The following ULK4 variants were observed in gnomAD, a reference collection of about 807,000 sequenced individuals.
The protein encoded by ULK4 is unc-51 like kinase 4, also known as inactive serine/threonine-protein kinase ULK4.
In ULK4, 133 loss-of-function variants were observed where a neutral mutation model predicts 160.6. The observed-to-expected ratio is 0.83, with a 90% CI of 0.72 to 0.96. The LOEUF is 0.96. ULK4 is among the 40% of genes least tolerant of loss of function. ULK4 has a pLI of 0.00. For missense variants in ULK4, 1,580 were observed against 1,499.5 expected, an observed-to-expected ratio of 1.05 and a Z score of -0.89; for synonymous variants, 534 against 539.8, an observed-to-expected ratio of 0.99 and a Z score of 0.15.
At position 41,856,536 on chromosome 3, in the gene ULK4, T is replaced by C. The variant is rs1370243860; in HGVS notation, c.1657-20565A>G. Among the ~76,000 whole-genome samples, 11 of 97,610 alleles carry C rather than the reference T, an allele frequency of 1.1e-4. No individual in the cohort carries two copies. In the East Asian group the frequency reaches 2.1e-3, roughly 18 times the overall value. 64.0% of individuals were successfully genotyped at this position (97,610 alleles called of 152,430 possible). A position where few individuals can be genotyped will look rare whatever the true frequency, so the allele number is the denominator to read the frequency against. On this transcript the variant is annotated intron_variant, in intron 17 of 36. Coordinates refer to ENST00000301831, the MANE Select transcript of ULK4 (RefSeq NM_017886.4). The stretch of plus-strand genomic sequence containing the variant: ...AAATATATATATATATATATATGTA[T>C]GTATATATATATGTGTATATATATA...
At chr3:41,900,686 TA>T in intron 13 of ULK4, 38 bp downstream of exon 13, 1 of 1,475,546 alleles carries the variant, frequency 6.8e-7, no homozygotes, top group Admixed American at 1.8e-5. Flanking sequence ...CAGATCTCAG[TA>T]AAGTCTACAA....
At chr3:41,269,461 A>C (rs1365051259) in intron 35 of ULK4, among the ~76,000 whole-genome samples, 1 of 152,108 alleles carries the variant, frequency 6.6e-6, no homozygotes, top group African/African-American at 2.4e-5. Flanking sequence ...GGCAGAATGC[A>C]GCATGATCCA....
chr3:41,355,988 T>TC (rs2081022427), intron 35 of ULK4, among the ~76,000 whole-genome samples: 4 of 152,206 alleles, frequency 2.6e-5, no homozygotes. Flanking sequence ...CTGAAGGATA[T>TC]CCCACAGCCT....
intron 21 of ULK4, among the ~76,000 whole-genome samples, chr3:41,785,741 C>T (rs1161619263): frequency 6.6e-6 from 1 of 152,160 alleles, no homozygotes; most frequent in East Asian, 1.9e-4. Flanking sequence ...AGACGACACT[C>T]ACTTTTCTTT....
intron 17 of ULK4, among the ~76,000 whole-genome samples, chr3:41,846,982 A>G (rs2042085028): frequency 1.3e-5 from 2 of 152,176 alleles, no homozygotes; most frequent in African/African-American, 4.8e-5. Flanking sequence ...CACTGGTTCT[A>G]TTAACCTAAC....
intron 31 of ULK4, among the ~76,000 whole-genome samples, chr3:41,575,455 G>A (rs1264242567): frequency 2.0e-5 from 3 of 152,074 alleles, no homozygotes; most frequent in South Asian, 2.1e-4. Context: ...TTCTCCCCTC[G>A]GTAGCCAAAA....
intron 17 of ULK4, among the ~76,000 whole-genome samples, chr3:41,850,224 G>A (rs576677387): frequency 2.6e-5 from 4 of 152,258 alleles, no homozygotes; most frequent in Admixed American, 1.3e-4. Context: ...TGGGACATTT[G>A]GGTTGGTTCC....
chr3:41,739,924 C>T (rs2038186986), intron 22 of ULK4, among the ~76,000 whole-genome samples: 1 of 151,862 alleles, frequency 6.6e-6, no homozygotes, highest in Non-Finnish European at 1.5e-5. Flanking sequence ...CTATAATACA[C>T]AAATTAACTA....
intron 35 of ULK4, among the ~76,000 whole-genome samples, chr3:41,311,600 C>T (rs921631540): frequency 1.6e-4 from 24 of 152,074 alleles, no homozygotes; most frequent in Non-Finnish European, 5.9e-5. Context: ...GACTGAGTCT[C>T]ACTCTGTTGC....
At chr3:41,604,500 T>C (rs774804627) in intron 31 of ULK4, among the ~76,000 whole-genome samples, 1 of 152,008 alleles carries the variant, frequency 6.6e-6, no homozygotes, top group Non-Finnish European at 1.5e-5. Flanking sequence ...TAGAAATGAA[T>C]GAAAGGACCA....
chr3:41,334,746 A>AT (rs1450985868), intron 35 of ULK4, among the ~76,000 whole-genome samples: 2 of 152,230 alleles, frequency 1.3e-5, no homozygotes, highest in African/African-American at 4.8e-5. Flanking sequence ...TGAGATGTGT[A>AT]TTTTAATACA....
intron 35 of ULK4, among the ~76,000 whole-genome samples, chr3:41,353,737 A>ACTG (rs1000710691): frequency 1.3e-5 from 2 of 148,364 alleles, no homozygotes; most frequent in African/African-American, 2.6e-5. Flanking sequence ...TACTACTACT[A>ACTG]CTACTACTAC....
At chr3:41,519,208 T>C (rs1363694742) in intron 32 of ULK4, among the ~76,000 whole-genome samples, 1 of 152,184 alleles carries the variant, frequency 6.6e-6, no homozygotes, top group Non-Finnish European at 1.5e-5. Flanking sequence ...GTGGCTGCCC[T>C]AGAACTTGCA....
rs554889881 is a variant in ULK4 at position 41,641,475 on chromosome 3, T to C, written c.3071+22132A>G. Among the ~76,000 whole-genome samples, 12 of 152,206 alleles carry C rather than the reference T, an allele frequency of 7.9e-5. No homozygotes were observed. In the East Asian group the frequency reaches 2.3e-3, roughly 29 times the overall value. On this transcript the variant is annotated intron_variant, in intron 30 of 36. Transcript: ENST00000301831. ...ACTTTGGGAGGCCAAGGTGGGAGGA[T>C]CACTTGAGCCCAGGAGTTCAAGACC...
At chr3:41,601,218 A>C (rs1328966675) in intron 31 of ULK4, among the ~76,000 whole-genome samples, 2 of 152,198 alleles carry the variant, frequency 1.3e-5, no homozygotes, top group Non-Finnish European at 2.9e-5. Flanking sequence ...GACATTAAAA[A>C]TATTTTTATA....
chr3:41,562,177 G>C (rs2087606444), intron 32 of ULK4, among the ~76,000 whole-genome samples: 1 of 152,238 alleles, frequency 6.6e-6, no homozygotes, highest in African/African-American at 2.4e-5. Flanking sequence ...AGTTTTGAGT[G>C]AGTTTCCTAA....
rs1190305878 is a variant in ULK4, at chr3:41,677,580, C to A, written c.2978+3928G>T. 3.3e-5 allele frequency among the ~76,000 whole-genome samples: 5 copies of A among 152,122 alleles called. No homozygotes were observed. In the East Asian group the frequency reaches 9.7e-4, roughly 29 times the overall value. ...TCTCCTGACCTTATGATCCGCATGC[C>A]TCGGCCTCCCAAAGTGCTGGGATTA... On this transcript the variant is annotated intron_variant, in intron 29 of 36. Coordinates refer to ENST00000301831, the MANE Select transcript of ULK4 (RefSeq NM_017886.4).
chr3:41,557,481 G>T (rs749822310), intron 32 of ULK4, among the ~76,000 whole-genome samples: 17 of 151,922 alleles, frequency 1.1e-4, no homozygotes, highest in Non-Finnish European at 2.4e-4. Context: ...ACAGATTGCG[G>T]CCAGGCATGG....
chr3:41,339,746 T>C lies in ULK4; in HGVS notation c.3678+58333A>G, dbSNP rs143296979. The stretch of plus-strand genomic sequence containing the variant: ...ATATTTTAGAATTTCGAATTCTCCA[T>C]GCAGCTAGAGGAAAAACATCCCTTT... On this transcript the variant is annotated intron_variant, in intron 35 of 36. Transcript: ENST00000301831. Among the ~76,000 whole-genome samples the C allele has an allele frequency of 4.2e-4, 64 of 152,334 alleles. No homozygotes were observed. In the East Asian group the frequency reaches 0.012, roughly 29 times the overall value.
Sources: allele counts gnomAD v4.1 joint callset (sites outside exome capture counted in the v4.1 genomes callset), GRCh38; gene constraint gnomAD v4.1.1; transcripts MANE v1.5; gene names NCBI Gene and HGNC (gene_info 2026-07-23, HGNC 2026-07-21).